The following DLGAP2 variants were observed in gnomAD, a reference collection of about 807,000 sequenced individuals.
The protein encoded by DLGAP2 is disks large-associated protein 2.
A neutral mutation model predicts 100.3 loss-of-function variants in DLGAP2; 26 were observed. The observed-to-expected ratio is 0.26, with a 90% CI of 0.19 to 0.36. The LOEUF (loss-of-function observed/expected upper bound fraction) is 0.36, where lower values mean the gene tolerates loss of function less well. Ranked by LOEUF, DLGAP2 falls within the 10% of genes least tolerant of loss-of-function variation. DLGAP2 has a pLI of 1.00. For missense variants in DLGAP2, 1,858 were observed against 1,453.2 expected, an observed-to-expected ratio of 1.28 and a Z score of -4.53; for synonymous variants, 886 against 630.1, an observed-to-expected ratio of 1.41 and a Z score of -6.08.
At chr8:1,257,826 C>T (rs1373799535) in intron 2 of DLGAP2, among the ~76,000 whole-genome samples, 4 of 152,246 alleles carry the variant, frequency 2.6e-5, no homozygotes, top group Non-Finnish European at 5.9e-5. Context: ...CGCACATGCT[C>T]ATTCCCTCTC....
intron 3 of DLGAP2, among the ~76,000 whole-genome samples, chr8:1,359,231 C>T (rs751021526): frequency 1.3e-5 from 2 of 152,172 alleles, no homozygotes; most frequent in South Asian, 2.1e-4. Context: ...GGAAAATCCA[C>T]CTCCCGGGAC....
intron 4 of DLGAP2, among the ~76,000 whole-genome samples, chr8:1,547,364 C>T (rs1801577559): frequency 6.6e-6 from 1 of 151,856 alleles, no homozygotes; most frequent in African/African-American, 2.4e-5. Context: ...GGTGGATGGG[C>T]TGGGGTGCAT....
intron 3 of DLGAP2, among the ~76,000 whole-genome samples, chr8:1,288,211 GTGT>G (rs1350535679): frequency 1.4e-5 from 2 of 139,610 alleles, no homozygotes; most frequent in African/African-American, 5.6e-5. Context: ...GTGTGTGTGT[GTGT>G]GTGGTTAGGA....
At chr8:1,217,136 G>C (rs1278197004) in intron 2 of DLGAP2, among the ~76,000 whole-genome samples, 2 of 152,112 alleles carry the variant, frequency 1.3e-5, no homozygotes, top group African/African-American at 4.8e-5. Flanking sequence ...ATAGACCCCA[G>C]TATCTGTTGC....
chr8:1,435,835 C>A (rs533589378), intron 3 of DLGAP2, among the ~76,000 whole-genome samples: 3 of 151,628 alleles, frequency 2.0e-5, no homozygotes, highest in East Asian at 3.9e-4. Flanking sequence ...CAGGTAGAGG[C>A]TGATGTGTTT....
chr8:1,343,710 T>TC (rs1554446982), intron 3 of DLGAP2, among the ~76,000 whole-genome samples: 6 of 150,978 alleles, frequency 4.0e-5, no homozygotes, highest in Non-Finnish European at 5.9e-5. Flanking sequence ...TGGGGGGTCG[T>TC]GGGGGGTGTT....
intron 2 of DLGAP2, among the ~76,000 whole-genome samples, chr8:987,306 C>G (rs1372754597): frequency 6.6e-6 from 1 of 152,110 alleles, no homozygotes. Flanking sequence ...TAGGACGTGT[C>G]CACGGGTCCT....
At chr8:1,012,993 A>G (rs1268178389) in intron 2 of DLGAP2, among the ~76,000 whole-genome samples, 1 of 152,160 alleles carries the variant, frequency 6.6e-6, no homozygotes, top group Non-Finnish European at 1.5e-5. Context: ...CAGATGAGGA[A>G]GTTGAGACTG....
intron 7 of DLGAP2, among the ~76,000 whole-genome samples, chr8:1,628,854 G>A (rs943332201): frequency 9.8e-5 from 15 of 152,330 alleles, no homozygotes; most frequent in African/African-American, 3.6e-4. Context: ...ATTATTCTGG[G>A]CTTCTGGGCC....
intron 3 of DLGAP2, among the ~76,000 whole-genome samples, chr8:1,304,971 G>A (rs1469788240): frequency 6.6e-6 from 1 of 152,184 alleles, no homozygotes; most frequent in Admixed American, 6.5e-5. Context: ...AGACAGATAC[G>A]AGTTGGACAA....
rs1050620767 is a variant in DLGAP2, at chr8:1,185,504, G to T, written c.74-73347G>T. Among the ~76,000 whole-genome samples, 3 of 152,194 alleles carry T rather than the reference G, an allele frequency of 2.0e-5. 1 individual carries two copies. ...AAAAGGAGGAATTTTTGGATGTGGG[G>T]TTGTTTGATCAAGCTCCTAGGAACC... On this transcript the variant is annotated intron_variant, in intron 2 of 14. Transcript: ENST00000637795.
At chr8:1,387,565 C>CTGCA (rs1398148102) in intron 3 of DLGAP2, among the ~76,000 whole-genome samples, 1 of 152,180 alleles carries the variant, frequency 6.6e-6, no homozygotes, top group African/African-American at 2.4e-5. Context: ...CGCCACTGAA[C>CTGCA]TGCACCACTG....
chr8:1,145,272 C>G (rs573213618), intron 2 of DLGAP2, among the ~76,000 whole-genome samples: 69 of 152,272 alleles, frequency 4.5e-4, no homozygotes, highest in African/African-American at 8.9e-4. Flanking sequence ...ACAACTCCCA[C>G]CCACCCACCA....
chr8:805,937 A>G (rs1014748870), intron 1 of DLGAP2, among the ~76,000 whole-genome samples: 2 of 152,374 alleles, frequency 1.3e-5, no homozygotes, highest in East Asian at 1.9e-4. Context: ...GGGAAACCAC[A>G]TTCTGAATTT....
chr8:1,490,143 G>T (rs1360471566), intron 3 of DLGAP2, among the ~76,000 whole-genome samples: 1 of 152,140 alleles, frequency 6.6e-6, no homozygotes, highest in Non-Finnish European at 1.5e-5. Flanking sequence ...ACCTGCCTCA[G>T]CCTCCCAAAG....
chr8:926,852 A>T (rs1798827038), intron 2 of DLGAP2, among the ~76,000 whole-genome samples: 1 of 152,242 alleles, frequency 6.6e-6, no homozygotes, highest in South Asian at 2.1e-4. Context: ...GTTGTGTAAT[A>T]ATCCTGGTGG....
At chr8:934,716 C>T (rs1479507928) in intron 2 of DLGAP2, among the ~76,000 whole-genome samples, 7 of 152,004 alleles carry the variant, frequency 4.6e-5, no homozygotes, top group African/African-American at 2.4e-5. Context: ...CTCAGGGAGG[C>T]GGTGGACCCC....
At chr8:1,204,419 G>A (rs2116768069) in intron 2 of DLGAP2, among the ~76,000 whole-genome samples, 1 of 152,368 alleles carries the variant, frequency 6.6e-6, no homozygotes, top group African/African-American at 2.4e-5. Flanking sequence ...GAGTGACGGT[G>A]GACCCCGGCT....
At chr8:1,240,231 TCA>T (rs1491221252) in intron 2 of DLGAP2, among the ~76,000 whole-genome samples, 1 of 74,798 alleles carries the variant, frequency 1.3e-5, no homozygotes, top group East Asian at 2.8e-4. Flanking sequence ...TCTAGTTCTC[TCA>T]CATGGCGCCG....
Sources: gnomAD v4.1 joint callset for allele counts (sites outside exome capture counted in the v4.1 genomes callset) on GRCh38, gnomAD v4.1.1 for gene constraint, MANE v1.5 for transcripts, NCBI Gene and HGNC (gene_info 2026-07-23, HGNC 2026-07-21) for gene names.